Variants in GRIN2B observed in about 807,000 individuals in gnomAD.
GRIN2B encodes the protein glutamate ionotropic receptor NMDA type subunit 2B.
In GRIN2B, 5 loss-of-function variants were observed where a neutral mutation model predicts 114.5. The observed-to-expected ratio is 0.04, with a 90% CI of 0.02 to 0.09. GRIN2B has a LOEUF of 0.09. Among genes scored for constraint, GRIN2B ranks in the 10% least tolerant of loss-of-function variants. The pLI is 1.00. For synonymous variants in GRIN2B, 787 were observed against 745.1 expected (o/e 1.06, Z -0.92); for missense variants, 1,108 against 1,943.5 (o/e 0.57, Z 8.08).
rs1948607494 is a variant in GRIN2B, at chr12:13,564,443, T to C, written c.2795A>G (p.Tyr932Cys). ...LDFIRRESSV[Y>C]DISEHRRSFT... ...GCTGCGGCGGTGCTCTGAGATGTCA[T>C]AGACGGATGACTCCCGTCGGATGAA... is the stretch of plus-strand genomic sequence containing the variant. The change falls in exon 14 of 14, where the codon TAT becomes TGT. Residue 932 changes from tyrosine (Y) to cysteine (C), a missense_variant. This residue lies in a region of GRIN2B where 140 missense variants were observed against 187.5 expected (regional missense o/e 0.75). Coordinates refer to ENST00000609686, the MANE Select transcript of GRIN2B (RefSeq NM_000834.5). The surrounding 1 kb of genome is among the most constrained non-coding windows in gnomAD (Gnocchi z 4.8). The C allele has an allele frequency of 6.2e-6, 10 of 1,614,112 alleles. No homozygotes were observed. The highest frequency in any genetic ancestry group is 3.3e-5 in the South Asian group (3 of 91,094).
At chr12:13,645,372 A>T (rs1949752045) in intron 5 of GRIN2B, among the ~76,000 whole-genome samples, 1 of 152,106 alleles carries the variant, frequency 6.6e-6, no homozygotes, top group Admixed American at 6.6e-5. Flanking sequence ...GGTTGGTGGC[A>T]TCCCAAAACA....
chr12:13,841,456 C>T (rs551845782), intron 3 of GRIN2B, among the ~76,000 whole-genome samples: 9 of 152,242 alleles, frequency 5.9e-5, no homozygotes, highest in Admixed American at 3.9e-4. Flanking sequence ...CCCGCAATCC[C>T]GGAACCTCAT....
chr12:13,742,727 G>A (rs1020775087), intron 4 of GRIN2B, among the ~76,000 whole-genome samples: 1 of 152,156 alleles, frequency 6.6e-6, no homozygotes, highest in Admixed American at 6.5e-5. Context: ...CACTGTGCCC[G>A]GCTTAGAACT....
intron 4 of GRIN2B, among the ~76,000 whole-genome samples, chr12:13,720,841 T>C (rs1184131194): frequency 2.0e-5 from 3 of 152,112 alleles, no homozygotes; most frequent in Non-Finnish European, 4.4e-5. Flanking sequence ...TCCTTTAACA[T>C]ATACTGCCTA....
chr12:13,836,062 A>G (rs1865258484), intron 3 of GRIN2B, among the ~76,000 whole-genome samples: 1 of 152,238 alleles, frequency 6.6e-6, no homozygotes, highest in Non-Finnish European at 1.5e-5. Context: ...CCTGAACTGG[A>G]TCTTTTCTCT....
intron 2 of GRIN2B, among the ~76,000 whole-genome samples, chr12:13,946,174 C>G (rs992646129): frequency 6.6e-6 from 1 of 152,116 alleles, no homozygotes; most frequent in African/African-American, 2.4e-5. Flanking sequence ...CAGTTACCCA[C>G]TAAAAGGATT....
chr12:13,978,895 T>C (rs1863079728), intron 2 of GRIN2B, among the ~76,000 whole-genome samples: 2 of 152,220 alleles, frequency 1.3e-5, no homozygotes, highest in African/African-American at 4.8e-5. Context: ...TCTTCTCAAG[T>C]ACATTAAAAT....
chr12:13,569,737 A>C (rs2136413001), intron 12 of GRIN2B, 93 bp downstream of exon 12: 2 of 828,064 alleles, frequency 2.4e-6, no homozygotes, highest in East Asian at 4.9e-5. Flanking sequence ...CCGGAAATGC[A>C]CAGGTTAAAG....
intron 4 of GRIN2B, among the ~76,000 whole-genome samples, chr12:13,699,856 G>A (rs974852695): frequency 2.2e-4 from 33 of 151,004 alleles, no homozygotes; most frequent in Admixed American, 8.6e-4. Flanking sequence ...CGAAGTGCTG[G>A]GATTACAGGC....
chr12:13,563,130 C>T lies in GRIN2B; in HGVS notation c.4108G>A (p.Gly1370Arg), dbSNP rs754738111. 6.8e-6 allele frequency: 11 copies of T among 1,614,056 alleles called. No homozygotes were observed. The highest frequency in any genetic ancestry group is 8.5e-6 in the Non-Finnish European group (10 of 1,180,046). Residue 1370 changes from glycine to arginine, a missense_variant, in exon 14 of 14, where the codon GGG (glycine) becomes AGG (arginine). This residue lies in a region of GRIN2B where 478 missense variants were observed against 506.0 expected (regional missense o/e 0.94). Coordinates refer to ENST00000609686, the MANE Select transcript of GRIN2B (RefSeq NM_000834.5). ...GHHHHNNPGG[G>R]YMLSKSLYPD... Reference sequence around the variant, plus strand: ...TAGAGCGACTTGCTGAGCATGTACCCGCCGCCGGGGTTGTTGTGGTGGTGA... The same window carrying T: ...TAGAGCGACTTGCTGAGCATGTACCTGCCGCCGGGGTTGTTGTGGTGGTGA...
intron 2 of GRIN2B, among the ~76,000 whole-genome samples, chr12:13,894,108 C>T (rs946118098): frequency 1.3e-5 from 2 of 152,038 alleles, no homozygotes; most frequent in African/African-American, 4.8e-5. Context: ...ACAGCACTCT[C>T]ACATATTACT....
chr12:13,778,228 A>G (rs1332053507), intron 3 of GRIN2B, among the ~76,000 whole-genome samples: 1 of 152,186 alleles, frequency 6.6e-6, no homozygotes, highest in African/African-American at 2.4e-5. Flanking sequence ...CTCTATATCA[A>G]GAACAGCTTC....
At chr12:13,967,779 C>T (rs1867812679) in intron 2 of GRIN2B, among the ~76,000 whole-genome samples, 3 of 152,110 alleles carry the variant, frequency 2.0e-5, no homozygotes, top group Admixed American at 1.3e-4. Context: ...CTGTGGGCGA[C>T]AGGAAGACCT....
intron 10 of GRIN2B, among the ~76,000 whole-genome samples, chr12:13,578,417 C>G (rs937874140): frequency 6.6e-6 from 1 of 152,184 alleles, no homozygotes; most frequent in Non-Finnish European, 1.5e-5. Flanking sequence ...GTCCAAAAAC[C>G]CTGAGGCCAC....
intron 10 of GRIN2B, among the ~76,000 whole-genome samples, chr12:13,603,714 A>G (rs1949197646): frequency 6.6e-6 from 1 of 152,080 alleles, no homozygotes; most frequent in South Asian, 2.1e-4. Context: ...ATTAAAGGAT[A>G]GGGAATTAAA....
At chr12:13,863,118 G>A (rs1294605909) in intron 3 of GRIN2B, among the ~76,000 whole-genome samples, 3 of 152,146 alleles carry the variant, frequency 2.0e-5, no homozygotes, top group African/African-American at 7.2e-5. Flanking sequence ...AAGGAGCAAG[G>A]GGAAAGTGAT....
At chr12:13,857,171 A>G (rs1204802831) in intron 3 of GRIN2B, among the ~76,000 whole-genome samples, 2 of 152,124 alleles carry the variant, frequency 1.3e-5, no homozygotes, top group Non-Finnish European at 2.9e-5. Context: ...AAAGAAGGAG[A>G]CAAGGAGGGA....
chr12:13,901,979 C>T (rs73057671), intron 2 of GRIN2B, among the ~76,000 whole-genome samples: 15,506 of 152,056 alleles, frequency 0.1, 1,039 homozygotes, highest in Middle Eastern at 0.22. Flanking sequence ...ACCAATCTGC[C>T]ATGCCCTTCT....
chr12:13,639,956 G>A (rs945876935), intron 5 of GRIN2B, among the ~76,000 whole-genome samples: 3 of 151,924 alleles, frequency 2.0e-5, no homozygotes, highest in Non-Finnish European at 4.4e-5. Flanking sequence ...CAAATCAGTT[G>A]AGTTGAAAAA....
Sources: gnomAD v4.1 joint callset for allele counts (sites outside exome capture counted in the v4.1 genomes callset) on GRCh38, gnomAD v4.1.1 for gene constraint, gnomAD v4.1.1 regional missense constraint, Gnocchi (gnomAD v3.1) non-coding constraint, MANE v1.5 for transcripts, NCBI Gene and HGNC (gene_info 2026-07-23, HGNC 2026-07-21) for gene names.